Variants in STRIP2 observed in about 807,000 individuals in gnomAD.
The protein encoded by STRIP2 is striatin-interacting protein 2.
STRIP2 carries 84 observed loss-of-function variants against 107.1 expected under a neutral mutation model. The ratio of observed to expected loss-of-function variants is 0.78; its 90% CI spans 0.66 to 0.94. The LOEUF is 0.94. STRIP2 is among the 40% of genes least tolerant of loss of function. The pLI is 0.00. For missense variants in STRIP2, 888 were observed against 1,034.2 expected (o/e 0.86, Z 1.94); for synonymous variants, 394 against 400.4 (o/e 0.98, Z 0.19).
chr7:129,471,224 G>C (rs755780932), intron 18 of STRIP2, among the ~76,000 whole-genome samples: 8 of 152,090 alleles, frequency 5.3e-5, no homozygotes, highest in Non-Finnish European at 1.0e-4. Flanking sequence ...CTTGAAAACA[G>C]CTCTAGGCAA....
chr7:129,435,795 T>G (rs1797722174), intron 1 of STRIP2, among the ~76,000 whole-genome samples: 1 of 152,138 alleles, frequency 6.6e-6, no homozygotes, highest in South Asian at 2.1e-4. Flanking sequence ...ATCATCATCA[T>G]CAAGTGGCAG....
chr7:129,486,996 C>CTTTTTTTTTT lies in STRIP2; in HGVS notation c.*1192_*1201dup, dbSNP rs544536095. On this transcript the variant is annotated 3_prime_UTR_variant, in exon 21 of 21. Coordinates refer to ENST00000249344, the MANE Select transcript of STRIP2 (RefSeq NM_020704.3). ...TTTCTGATTTAGTTAGGATCATATG[C>CTTTTTTTTTT]TTTTTTTTTTTTTTTTTTTTTTTTT... The CTTTTTTTTTT allele has an allele frequency of 9.4e-5, 5 of 53,168 alleles. 1 individual carries two copies. The highest frequency in any genetic ancestry group is 1.6e-4 in the Non-Finnish European group (5 of 31,794). The allele number at this position is 53,168 out of a possible 1,614,324, so 3.3% of individuals were successfully genotyped here.
At chr7:129,442,898 A>G (rs140112550) in intron 2 of STRIP2, among the ~76,000 whole-genome samples, 50 of 152,272 alleles carry the variant, frequency 3.3e-4, no homozygotes, top group Non-Finnish European at 5.7e-4. Context: ...GGGAGCAGAG[A>G]TTTAAAGGAA....
Position 129,458,850 on chromosome 7 carries a change from G to A in STRIP2, c.1340+73G>A. The A allele has an allele frequency of 7.0e-7, 1 of 1,421,902 alleles. No homozygotes were observed. Among genetic ancestry groups the A allele is most frequent in the Non-Finnish European group, 9.9e-7 (1 of 1,006,588 alleles). The allele number at this position is 1,421,902 out of a possible 1,614,324, so 88.1% of individuals were successfully genotyped here. A position where few individuals can be genotyped will look rare whatever the true frequency, so the allele number is the denominator to read the frequency against. ...GCCAGAGGAGCAGGTAGCTTGGAAT[G>A]AGGGATGGTGCCTGGTGGTCATAAT... On this transcript the variant is annotated intron_variant, in intron 11 of 20. Transcript: ENST00000249344. The surrounding 1 kb of genome is among the most constrained non-coding windows in gnomAD (Gnocchi z 4.6).
chr7:129,455,418 A>C (rs374730769), intron 8 of STRIP2, 47 bp downstream of exon 8: 4 of 1,580,838 alleles, frequency 2.5e-6, no homozygotes, highest in Non-Finnish European at 3.4e-6. Context: ...GCAATGCCCT[A>C]TGCCACCTCA....
chr7:129,456,660 C>A lies in STRIP2; in HGVS notation c.1038+18C>A. The A allele has an allele frequency of 6.2e-7, 1 of 1,608,228 alleles. No homozygotes were observed. Among genetic ancestry groups the A allele is most frequent in the Non-Finnish European group, 8.5e-7 (1 of 1,176,080 alleles). On this transcript the variant is annotated intron_variant, in intron 9 of 20. Transcript: ENST00000249344. ...CTCGAAGGGTATGGACTGAAGCAGA[C>A]AATGGTATTGGGACACCGACTGGCC...
In STRIP2 at chr7:129,453,012, G is replaced by A. The variant is rs149492787; in HGVS notation, c.410-215G>A. 2.6e-5 allele frequency among the ~76,000 whole-genome samples: 4 copies of A among 152,264 alleles called. No homozygotes were observed. The East Asian group carries it at 5.8e-4, about 22-fold the overall frequency. ...TTCTGGGAGAACTCACCCTTAAGAC[G>A]ATAGGCCATTGATGAGCACATTGGA... On this transcript the variant is annotated intron_variant, in intron 4 of 20. Coordinates refer to ENST00000249344, the MANE Select transcript of STRIP2 (RefSeq NM_020704.3).
At chr7:129,452,589 G>A (rs1030430207) in intron 4 of STRIP2, among the ~76,000 whole-genome samples, 1 of 152,166 alleles carries the variant, frequency 6.6e-6, no homozygotes, top group Non-Finnish European at 1.5e-5. Context: ...GTCTCACTGT[G>A]TTTCCCTGGC....
rs554085734 is a variant in STRIP2, at chr7:129,476,355, G to T, written c.1945-4430G>T. Among the ~76,000 whole-genome samples, 8 of 146,746 alleles carry T rather than the reference G, an allele frequency of 5.5e-5. No homozygotes were observed. In the South Asian group the frequency reaches 1.3e-3, roughly 24 times the overall value. On this transcript the variant is annotated intron_variant, in intron 18 of 20. Transcript: ENST00000249344. ...ACTTCTCAGACGGGGCGGCTGCCGGGCGGAGGGGCTCCTCACTTCTCAGAC... is the reference window on the plus strand; with the variant it reads ...ACTTCTCAGACGGGGCGGCTGCCGGTCGGAGGGGCTCCTCACTTCTCAGAC...
chr7:129,453,274 A>G lies in STRIP2; in HGVS notation c.457A>G (p.Arg153Gly). Residue 153 changes from arginine (R) to glycine (G), a missense_variant, in exon 5 of 21, where the codon AGG becomes GGG. Physicochemically the swap from Arg to Gly is moderately radical, Grantham distance 125 (BLOSUM62 -2). Transcript: ENST00000249344. ...DSEVDVLHWS[R>G]YNCFLLYQMG... ...AGAGGTCGATGTGCTACACTGGTCC[A>G]GGTACAACTGCTTCCTGCTGTATCA... 1 of 1,614,184 alleles carries G rather than the reference A, an allele frequency of 6.2e-7. No homozygotes were observed. Among genetic ancestry groups the G allele is most frequent in the Non-Finnish European group, 8.5e-7 (1 of 1,180,028 alleles).
chr7:129,468,754 AACTAGCTGG>A (rs1173173563), intron 17 of STRIP2, among the ~76,000 whole-genome samples: 3 of 152,190 alleles, frequency 2.0e-5, no homozygotes, highest in Non-Finnish European at 4.4e-5. Flanking sequence ...AAGTAACCAA[AACTAGCTGG>A]ACTACACTCA....
Position 129,458,342 on chromosome 7 carries a change from T to C in STRIP2, c.1166T>C (p.Leu389Pro). Residue 389 changes from leucine to proline, a missense_variant, in exon 10 of 21, where the codon CTA becomes CCA. Coordinates refer to ENST00000249344, the MANE Select transcript of STRIP2 (RefSeq NM_020704.3). The surrounding 1 kb of genome is among the most constrained non-coding windows in gnomAD (Gnocchi z 4.6). ...GGAGAACGAACCTTGGATGGAGAGC[T>C]AGACCTGCTAGAGCAGGACCCTCTG... ...GDGERTLDGE[L>P]DLLEQDPLVP... The C allele has an allele frequency of 6.2e-7, 1 of 1,614,164 alleles. No individual in the cohort carries two copies. The highest frequency in any genetic ancestry group is 8.5e-7 in the Non-Finnish European group (1 of 1,180,016).
In STRIP2 at chr7:129,464,807, T is replaced by C. The variant is rs977629606; in HGVS notation, c.1776+69T>C. 36 of 1,596,540 alleles carry C rather than the reference T, an allele frequency of 2.3e-5. No homozygotes were observed. The African/African-American group carries it at 4.2e-4, about 18-fold the overall frequency. ...CAGGCCCTATCTCTCAAAGGAAGGA[T>C]GCAAAGTCCCTTTTAATCCTGATGA... On this transcript the variant is annotated intron_variant, in intron 16 of 20. Transcript: ENST00000249344.
intron 2 of STRIP2, among the ~76,000 whole-genome samples, chr7:129,440,710 T>C (rs931289718): frequency 6.6e-6 from 1 of 152,160 alleles, no homozygotes; most frequent in Non-Finnish European, 1.5e-5. Context: ...CCTGCTTGTC[T>C]CTGTCTGGAT....
chr7:129,467,778 T>C (rs578091850), intron 17 of STRIP2, among the ~76,000 whole-genome samples: 18 of 152,286 alleles, frequency 1.2e-4, no homozygotes, highest in African/African-American at 1.7e-4. Flanking sequence ...CCAGGCGTTA[T>C]TTTAGTATAA....
intron 8 of STRIP2, among the ~76,000 whole-genome samples, chr7:129,456,210 C>T (rs1798347769): frequency 6.7e-6 from 1 of 149,276 alleles, no homozygotes; most frequent in Non-Finnish European, 1.5e-5. Flanking sequence ...GTGATATTTC[C>T]CATACTGGGG....
chr7:129,462,733 A>C (rs957590383), intron 13 of STRIP2, among the ~76,000 whole-genome samples: 4 of 152,176 alleles, frequency 2.6e-5, no homozygotes, highest in Admixed American at 2.0e-4. Context: ...TATCCCAGGT[A>C]CTGAAAGGTC....
rs1057463833 is a variant in STRIP2 at position 129,487,428 on chromosome 7, T to A, written c.*1599T>A. On this transcript the variant is annotated 3_prime_UTR_variant, in exon 21 of 21. Coordinates refer to ENST00000249344, the MANE Select transcript of STRIP2 (RefSeq NM_020704.3). ...CTGGGTGATATAGTCAAAATTTGCT[T>A]ATTTACTCTGCCCCTCGTCAACCAC... The A allele has an allele frequency of 1.3e-5, 2 of 152,180 alleles. No homozygotes were observed. Among genetic ancestry groups the A allele is most frequent in the African/African-American group, 2.4e-5 (1 of 41,438 alleles). The allele number at this position is 152,180 out of a possible 1,614,324, so 9.4% of individuals were successfully genotyped here.
In STRIP2 at chr7:129,485,907, G is replaced by C; in HGVS notation, c.*78G>C. 2 of 1,550,752 alleles carry C rather than the reference G, an allele frequency of 1.3e-6. No homozygotes were observed. The highest frequency in any genetic ancestry group is 1.8e-6 in the Non-Finnish European group (2 of 1,138,614). ...TGCTCTGCCTACCCTGTCCATACAG[G>C]CGCTGTTACCAGTTCAGGGCTCTTC... On this transcript the variant is annotated 3_prime_UTR_variant, in exon 21 of 21. Transcript: ENST00000249344.
Sources: gnomAD v4.1 joint callset for allele counts (sites outside exome capture counted in the v4.1 genomes callset) on GRCh38, gnomAD v4.1.1 for gene constraint, Gnocchi (gnomAD v3.1) non-coding constraint, MANE v1.5 for transcripts, NCBI Gene and HGNC (gene_info 2026-07-23, HGNC 2026-07-21) for gene names.